MAPK10: variants seen among roughly 807,000 people sequenced by gnomAD.
MAPK10 encodes JNK3 alpha protein kinase.
In MAPK10, 25 loss-of-function variants were observed where a neutral mutation model predicts 59.3. The ratio of observed to expected loss-of-function variants is 0.42; its 90% confidence interval spans 0.31 to 0.59. The LOEUF (loss-of-function observed/expected upper bound fraction) is 0.59, where lower values mean the gene tolerates loss of function less well. Ranked by LOEUF, MAPK10 falls within the 20% of genes least tolerant of loss-of-function variation. MAPK10 has a pLI of 0.15. For synonymous variants in MAPK10, 190 were observed against 200.5 expected, an observed-to-expected ratio of 0.95 and a Z score of 0.44; for missense variants, 351 against 568.9, an observed-to-expected ratio of 0.62 and a Z score of 3.90.
intron 2 of MAPK10, among the ~76,000 whole-genome samples, chr4:86,264,795 T>G (rs1457540405): frequency 6.6e-6 from 1 of 151,986 alleles, no homozygotes; most frequent in Non-Finnish European, 1.5e-5. Flanking sequence ...AGACTAACCT[T>G]GCACCCATCT....
chr4:86,201,818 T>C (rs945506819), intron 2 of MAPK10, among the ~76,000 whole-genome samples: 1 of 151,854 alleles, frequency 6.6e-6, no homozygotes, highest in Non-Finnish European at 1.5e-5. Flanking sequence ...CGTCTTTTTC[T>C]TCTTCTTTTT....
At chr4:86,110,646 T>C (rs372357114) in intron 4 of MAPK10, among the ~76,000 whole-genome samples, 1 of 152,208 alleles carries the variant, frequency 6.6e-6, no homozygotes, top group Non-Finnish European at 1.5e-5. Flanking sequence ...CCTTGTAGTA[T>C]AGTTTGAAGT....
chr4:86,388,415 T>A (rs1741788416), intron 1 of MAPK10, among the ~76,000 whole-genome samples: 1 of 152,176 alleles, frequency 6.6e-6, no homozygotes. Flanking sequence ...AATAACCAAG[T>A]ACAGTAAATA....
rs1176457005 is a variant in MAPK10, at chr4:86,517,269, C to CTTTT, written c.-263+76637_-263+76640dup. 4.1e-3 allele frequency among the ~76,000 whole-genome samples: 346 copies of CTTTT among 84,294 alleles called. 2 individuals carry two copies. Among genetic ancestry groups the CTTTT allele is most frequent in the Middle Eastern group, 0.01 (1 of 98 alleles). The allele number at this position is 84,294 out of a possible 152,430, so 55.3% of individuals were successfully genotyped here. A position where few individuals can be genotyped will look rare whatever the true frequency, so the allele number is the denominator to read the frequency against. On this transcript the variant is annotated intron_variant, in intron 1 of 4. Coordinates refer to the MAPK10 transcript ENST00000502302. ...AACCCACTTGAACATGGTGTATTATCTTTTTTTTTTTTTTTTTTTTTTTTG... is the reference window on the plus strand; with the variant it reads ...AACCCACTTGAACATGGTGTATTATCTTTTTTTTTTTTTTTTTTTTTTTTTTTTG...
chr4:86,177,353 G>A (rs2075912719), intron 3 of MAPK10, among the ~76,000 whole-genome samples: 1 of 152,008 alleles, frequency 6.6e-6, no homozygotes, highest in African/African-American at 2.4e-5. Flanking sequence ...CCTTTGCCCT[G>A]CTCTGCCAAA....
rs561162420 is a variant in MAPK10, at chr4:86,479,493, G to T, written c.-263+114417C>A. 3.6e-4 allele frequency among the ~76,000 whole-genome samples: 52 copies of T among 142,766 alleles called. 1 individual carries two copies. The highest frequency in any genetic ancestry group is 1.2e-3 in the African/African-American group (49 of 39,578). The allele number at this position is 142,766 out of a possible 152,430, so 93.7% of individuals were successfully genotyped here. On this transcript the variant is annotated intron_variant, in intron 1 of 4. Coordinates refer to the MAPK10 transcript ENST00000502302. Reference sequence around the variant, plus strand: ...CCCCACCAAAAAAAAAAAAAAACTTGTCGTCCCTACTATCTTCTGTCTAGT... The same window carrying T: ...CCCCACCAAAAAAAAAAAAAAACTTTTCGTCCCTACTATCTTCTGTCTAGT...
chr4:86,412,125 T>G (rs547808989), intron 1 of MAPK10, among the ~76,000 whole-genome samples: 8 of 152,352 alleles, frequency 5.3e-5, no homozygotes, highest in African/African-American at 1.9e-4. Flanking sequence ...CATTTGCTTA[T>G]CTGTAAAGGA....
At chr4:86,276,628 C>T (rs948011101) in intron 2 of MAPK10, among the ~76,000 whole-genome samples, 18 of 152,108 alleles carry the variant, frequency 1.2e-4, no homozygotes, top group African/African-American at 3.4e-4. Flanking sequence ...CCCATCAACA[C>T]GTTAATCATT....
At chr4:86,479,020 C>T (rs989584608) in intron 1 of MAPK10, among the ~76,000 whole-genome samples, 2 of 152,160 alleles carry the variant, frequency 1.3e-5, no homozygotes, top group Non-Finnish European at 2.9e-5. Flanking sequence ...GGCAAATTAG[C>T]TTTACTCAAC....
chr4:86,489,491 T>C (rs955317775), intron 1 of MAPK10, among the ~76,000 whole-genome samples: 6 of 152,262 alleles, frequency 3.9e-5, no homozygotes, highest in East Asian at 3.9e-4. Context: ...AGTGATGTAA[T>C]TGAAGTGTAA....
intron 1 of MAPK10, among the ~76,000 whole-genome samples, chr4:86,530,800 A>G (rs150756321): frequency 6.6e-6 from 1 of 152,174 alleles, no homozygotes. Flanking sequence ...AATTTGGGGG[A>G]AATACAAACA....
chr4:86,377,234 G>C (rs376151092), intron 1 of MAPK10, among the ~76,000 whole-genome samples: 1 of 152,184 alleles, frequency 6.6e-6, no homozygotes, highest in African/African-American at 2.4e-5. Flanking sequence ...TGTGGTTTAA[G>C]GCAATTCTTT....
chr4:86,342,661 T>C (rs1317168696), intron 2 of MAPK10, among the ~76,000 whole-genome samples: 1 of 152,230 alleles, frequency 6.6e-6, no homozygotes, highest in African/African-American at 2.4e-5. Context: ...AGCAAGACTG[T>C]AGCTGAGCCT....
At chr4:86,502,394 T>C (rs1755395033) in intron 1 of MAPK10, among the ~76,000 whole-genome samples, 1 of 152,122 alleles carries the variant, frequency 6.6e-6, no homozygotes, top group Non-Finnish European at 1.5e-5. Context: ...TTGGATTTCT[T>C]GCTTCTACTG....
At chr4:86,162,348 CAG>C (rs1174300932) in intron 3 of MAPK10, among the ~76,000 whole-genome samples, 4 of 151,676 alleles carry the variant, frequency 2.6e-5, no homozygotes, top group Admixed American at 1.3e-4. Flanking sequence ...TAAAGGAAAA[CAG>C]AGGTTTTTAA....
At chr4:86,259,710 G>A (rs75802521) in intron 2 of MAPK10, among the ~76,000 whole-genome samples, 7,874 of 152,024 alleles carry the variant, frequency 0.052, 286 homozygotes, top group African/African-American at 0.091. Context: ...TGAATTTTCT[G>A]TAATAAATAT....
rs72870603 is a variant in MAPK10 at position 86,583,622 on chromosome 4, G to A, written c.-263+10288C>T. Among the ~76,000 whole-genome samples, 1,086 of 152,280 alleles carry A rather than the reference G, an allele frequency of 7.1e-3. 9 individuals carry two copies. The highest frequency in any genetic ancestry group is 0.024 in the African/African-American group (984 of 41,548). On this transcript the variant is annotated intron_variant, in intron 1 of 4. Transcript: ENST00000502302. ...AGGTAAAGATAATTGCAGTGATCCT[G>A]GATTGGATATTGTTGAGCTACTGCA...
chr4:86,026,709 T>A (rs1203439535), intron 13 of MAPK10: 1 of 152,190 alleles, frequency 6.6e-6, no homozygotes, highest in East Asian at 1.9e-4. Context: ...ATACCACAGC[T>A]ATTTTCAAAA....
At chr4:86,168,814 C>A (rs1012200069) in intron 3 of MAPK10, among the ~76,000 whole-genome samples, 1 of 152,172 alleles carries the variant, frequency 6.6e-6, no homozygotes, top group Non-Finnish European at 1.5e-5. Context: ...AGGCACCCCC[C>A]AGTAGGGGCA....
Sources: gnomAD v4.1 joint callset for allele counts (sites outside exome capture counted in the v4.1 genomes callset) on GRCh38, gnomAD v4.1.1 for gene constraint, MANE v1.5 for transcripts, NCBI Gene and HGNC (gene_info 2026-07-23, HGNC 2026-07-21) for gene names.